Variants in CEP152 observed in about 807,000 individuals in gnomAD.
CEP152 encodes the protein centrosomal protein 152, also known as centrosomal protein of 152 kDa.
A neutral mutation model predicts 188.9 loss-of-function variants in CEP152; 132 were observed. The observed-to-expected ratio is 0.70, with a 90% CI of 0.61 to 0.81. CEP152 has a LOEUF of 0.81. CEP152 is among the 30% of genes least tolerant of loss of function. The pLI is 0.00. For missense variants in CEP152, 1,914 were observed against 1,969.8 expected (o/e 0.97, Z 0.54); for synonymous variants, 649 against 666.6 (o/e 0.97, Z 0.41).
intron 24 of CEP152, among the ~76,000 whole-genome samples, chr15:48,742,533 G>A (rs761643600): frequency 1.1e-4 from 16 of 152,104 alleles, no homozygotes; most frequent in Non-Finnish European, 2.4e-4. Flanking sequence ...AGAAAAGGAG[G>A]CAGTATGAGC....
intron 12 of CEP152, among the ~76,000 whole-genome samples, chr15:48,778,159 A>C (rs958918191): frequency 6.6e-6 from 1 of 152,248 alleles, no homozygotes; most frequent in Non-Finnish European, 1.5e-5. Flanking sequence ...AATTCCATGA[A>C]TGTAAAATAG....
chr15:48,752,565 T>C (rs1893955566), intron 20 of CEP152, 96 bp from the exon 21 acceptor site: 2 of 1,511,926 alleles, frequency 1.3e-6, no homozygotes, highest in East Asian at 2.5e-5. Flanking sequence ...GAGAAAACAC[T>C]ACCTGAAAAA....
intron 26 of CEP152, chr15:48,740,458 T>C (rs1000701937): frequency 4.6e-5 from 7 of 152,054 alleles, no homozygotes; most frequent in African/African-American, 1.7e-4. Context: ...TTTAGTGTGA[T>C]TGTTGATGTT....
chr15:48,798,362 A>G (rs540731476), intron 2 of CEP152, among the ~76,000 whole-genome samples: 1 of 152,296 alleles, frequency 6.6e-6, no homozygotes, highest in South Asian at 2.1e-4. Context: ...TGGTACAATC[A>G]ATGCATTATG....
intron 7 of CEP152, 25 bp downstream of exon 7, chr15:48,793,296 T>C: frequency 1.2e-6 from 2 of 1,613,224 alleles, no homozygotes; most frequent in Non-Finnish European, 1.7e-6. Context: ...GTGTACCTCA[T>C]AAATGACAGC....
chr15:48,737,884 G>A (rs2140536660), downstream of CEP152: 1 of 175,802 alleles, frequency 5.7e-6, no homozygotes, highest in Middle Eastern at 2.8e-3. Context: ...TTTCAAACAT[G>A]ATGCCAATAT....
intron 2 of CEP152, among the ~76,000 whole-genome samples, chr15:48,731,048 A>T (rs1361793496): frequency 6.6e-6 from 1 of 152,250 alleles, no homozygotes; most frequent in African/African-American, 2.4e-5. Flanking sequence ...AAAGTCACAA[A>T]AGGACAAATA....
At chr15:48,768,468 C>T in intron 14 of CEP152, 140 bp from the exon 15 acceptor site, 2 of 607,398 alleles carry the variant, frequency 3.3e-6, no homozygotes, top group Non-Finnish European at 5.8e-6. Context: ...TACAATTCTG[C>T]AAAAGAAAAA....
chr15:48,809,034 A>G (rs1003453659), intron 1 of CEP152, among the ~76,000 whole-genome samples: 1 of 152,352 alleles, frequency 6.6e-6, no homozygotes, highest in South Asian at 2.1e-4. Context: ...CTGACCCAGC[A>G]TTCCTTTTGT....
chr15:48,797,210 T>A (rs1234278922), intron 5 of CEP152, 91 bp downstream of exon 5: 1 of 1,416,490 alleles, frequency 7.1e-7, no homozygotes, highest in African/African-American at 1.4e-5. Context: ...ATCTTACCAT[T>A]GTACTCACAT....
chr15:48,774,768 C>T (rs946879042), intron 12 of CEP152, among the ~76,000 whole-genome samples: 3 of 152,032 alleles, frequency 2.0e-5, no homozygotes, highest in Admixed American at 2.0e-4. Flanking sequence ...ACTTGACATG[C>T]AACTAACCAG....
At position 48,738,569 on chromosome 15, in the gene CEP152, A is replaced by AT; in HGVS notation, c.4812dup (p.Ser1605IlefsTer3). On this transcript the variant is annotated frameshift_variant, in exon 27 of 27. Coordinates refer to ENST00000380950, the MANE Select transcript of CEP152 (RefSeq NM_001194998.2). LOFTEE classifies it low-confidence loss of function (END_TRUNC). ...GGTGAAAACTGTTTGGATTTAACAG[A>AT]TTCACTTGGTATTTCCAAAGTTCCT... 1 of 1,614,212 alleles carries AT rather than the reference A, an allele frequency of 6.2e-7. No homozygotes were observed. The highest frequency in any genetic ancestry group is 8.5e-7 in the Non-Finnish European group (1 of 1,180,018).
intron 2 of CEP152, among the ~76,000 whole-genome samples, chr15:48,800,805 A>T (rs1312525508): frequency 6.6e-6 from 1 of 152,164 alleles, no homozygotes; most frequent in Non-Finnish European, 1.5e-5. Flanking sequence ...TAAATTCAGA[A>T]TCATTCTATA....
At chr15:48,750,315 A>G (rs1893780929) in intron 21 of CEP152, among the ~76,000 whole-genome samples, 1 of 152,166 alleles carries the variant, frequency 6.6e-6, no homozygotes, top group African/African-American at 2.4e-5. Flanking sequence ...AAAATTTATA[A>G]AATTAAAATA....
chr15:48,767,006 T>C, intron 17 of CEP152, 54 bp downstream of exon 17: 8 of 1,604,584 alleles, frequency 5.0e-6, no homozygotes, highest in South Asian at 2.2e-5. Context: ...TAAATGATAA[T>C]ACTGAGGCTT....
intron 22 of CEP152, among the ~76,000 whole-genome samples, chr15:48,745,781 A>T (rs1007230648): frequency 2.0e-5 from 3 of 152,236 alleles, no homozygotes; most frequent in Non-Finnish European, 1.5e-5. Flanking sequence ...CAGAGACATC[A>T]GTTTACATTC....
In CEP152 at chr15:48,741,989, A is replaced by G. The variant is rs750867156; in HGVS notation, c.3947T>C (p.Leu1316Ser). 2.5e-6 allele frequency: 4 copies of G among 1,614,188 alleles called. No homozygotes were observed. Among genetic ancestry groups the G allele is most frequent in the Non-Finnish European group, 2.5e-6 (3 of 1,180,034 alleles). ...ETARKMRKYYLICLQQILQDD... is the reference protein window; with the variant it reads ...ETARKMRKYYSICLQQILQDD... ...CTGCAAAATCTGTTGGAGGCAAATC[A>G]AATAATATTTGCGCATCTTTCGGGC... The change falls in exon 25 of 27, where the codon TTG becomes TCG. Residue 1316 changes from leucine (L) to serine (S), a missense_variant. Transcript: ENST00000380950.
At chr15:48,788,378 G>A (rs1164811669) in intron 9 of CEP152, among the ~76,000 whole-genome samples, 1 of 148,966 alleles carries the variant, frequency 6.7e-6, no homozygotes, top group Non-Finnish European at 1.5e-5. Flanking sequence ...CTGTCGCCCA[G>A]GGTGGAGTGC....
intron 2 of CEP152, among the ~76,000 whole-genome samples, chr15:48,798,430 T>C (rs563172130): frequency 6.6e-6 from 1 of 152,216 alleles, no homozygotes; most frequent in East Asian, 1.9e-4. Context: ...AATCAGACCT[T>C]GGGGAATTGA....
Sources: gnomAD v4.1 joint callset for allele counts (sites outside exome capture counted in the v4.1 genomes callset) on GRCh38, gnomAD v4.1.1 for gene constraint, MANE v1.5 for transcripts, NCBI Gene and HGNC (gene_info 2026-07-23, HGNC 2026-07-21) for gene names.